Variants in CEP112 observed in about 807,000 individuals in gnomAD.
CEP112 encodes centrosomal protein 112.
CEP112 carries 127 observed loss-of-function variants against 153.0 expected under a neutral mutation model. The observed-to-expected ratio is 0.83, with a 90% CI of 0.72 to 0.96. The LOEUF is 0.96. CEP112 is among the 40% of genes least tolerant of loss of function. The probability of loss-of-function intolerance (pLI) is 0.00; values close to 1 mark genes in which losing one functional copy is unlikely to be tolerated. For missense variants in CEP112, 1,089 were observed against 1,101.2 expected (o/e 0.99, Z 0.16); for synonymous variants, 358 against 374.4 (o/e 0.96, Z 0.51).
At chr17:65,736,510 G>A (rs1392030011) in intron 23 of CEP112, among the ~76,000 whole-genome samples, 5 of 152,150 alleles carry the variant, frequency 3.3e-5, no homozygotes, top group Non-Finnish European at 5.9e-5. Flanking sequence ...AACATGAAGG[G>A]ATGAGATTGT....
At chr17:65,970,713 A>T (rs1050363176) in intron 17 of CEP112, among the ~76,000 whole-genome samples, 2 of 151,942 alleles carry the variant, frequency 1.3e-5, no homozygotes, top group African/African-American at 2.4e-5. Flanking sequence ...CATACACATG[A>T]CATGTGCCTT....
At chr17:65,906,702 A>C (rs2143699922) in intron 19 of CEP112, among the ~76,000 whole-genome samples, 1 of 152,260 alleles carries the variant, frequency 6.6e-6, no homozygotes, top group South Asian at 2.1e-4. Context: ...CCGAGTAAGA[A>C]AGTTTTCTTT....
At chr17:65,970,980 T>G (rs12603031) in intron 17 of CEP112, among the ~76,000 whole-genome samples, 1 of 151,362 alleles carries the variant, frequency 6.6e-6, no homozygotes, top group South Asian at 2.1e-4. Context: ...AGGCTGATTT[T>G]AAAAAACTTT....
chr17:65,969,368 G>A (rs1042120216), intron 17 of CEP112, among the ~76,000 whole-genome samples: 3 of 152,036 alleles, frequency 2.0e-5, no homozygotes, highest in South Asian at 2.1e-4. Context: ...TAAGATTAAC[G>A]TATTACATGT....
chr17:66,190,694 G>A (rs2073132238), intron 1 of CEP112, among the ~76,000 whole-genome samples: 1 of 152,174 alleles, frequency 6.6e-6, no homozygotes, highest in African/African-American at 2.4e-5. Flanking sequence ...TTTGGATCAT[G>A]TCTTTTATTA....
intron 20 of CEP112, among the ~76,000 whole-genome samples, chr17:65,892,192 A>G (rs566205442): frequency 1.2e-4 from 19 of 152,312 alleles, no homozygotes; most frequent in Non-Finnish European, 2.4e-4. Flanking sequence ...AAAGGTGTGC[A>G]TGCCCAGCCC....
chr17:65,815,749 G>A (rs917621144), intron 21 of CEP112, among the ~76,000 whole-genome samples: 2 of 152,084 alleles, frequency 1.3e-5, no homozygotes, highest in Admixed American at 1.3e-4. Context: ...TTGTGATGAT[G>A]TTGTAAATGG....
At chr17:65,984,790 A>G (rs577712109) in intron 17 of CEP112, among the ~76,000 whole-genome samples, 2 of 152,344 alleles carry the variant, frequency 1.3e-5, no homozygotes, top group African/African-American at 4.8e-5. Flanking sequence ...AGGATGGCAC[A>G]GAATGATAGT....
At chr17:65,943,617 C>T (rs2061565869) in intron 18 of CEP112, among the ~76,000 whole-genome samples, 1 of 152,132 alleles carries the variant, frequency 6.6e-6, no homozygotes, top group Admixed American at 6.6e-5. Context: ...GGTGACCTGG[C>T]CTTTCTCTCA....
intron 4 of CEP112, among the ~76,000 whole-genome samples, chr17:66,138,432 G>A (rs1264199788): frequency 1.3e-5 from 2 of 152,120 alleles, no homozygotes; most frequent in Non-Finnish European, 2.9e-5. Context: ...TGTTAAGACT[G>A]GGTGGGTTAA....
intron 20 of CEP112, among the ~76,000 whole-genome samples, chr17:65,882,474 C>A (rs2059119883): frequency 6.6e-6 from 1 of 152,174 alleles, no homozygotes; most frequent in Non-Finnish European, 1.5e-5. Flanking sequence ...ACCATCTCTG[C>A]ATATTTTAGA....
At chr17:65,731,336 T>C (rs547898482) in intron 23 of CEP112, among the ~76,000 whole-genome samples, 5 of 152,350 alleles carry the variant, frequency 3.3e-5, no homozygotes, top group Middle Eastern at 3.4e-3. Flanking sequence ...CACTATACTA[T>C]AGTCTATTAC....
intron 17 of CEP112, among the ~76,000 whole-genome samples, chr17:65,963,731 C>T (rs902866102): frequency 6.6e-6 from 1 of 151,704 alleles, no homozygotes; most frequent in African/African-American, 2.4e-5. Context: ...TATCCCATCC[C>T]CACCCCTGTA....
chr17:66,142,195 A>G (rs1415255040), intron 4 of CEP112, among the ~76,000 whole-genome samples: 2 of 152,296 alleles, frequency 1.3e-5, no homozygotes, highest in East Asian at 3.9e-4. Context: ...TTCTTTGCCC[A>G]TCTTAAAATT....
At chr17:65,749,447 G>A (rs1284210999) in intron 22 of CEP112, among the ~76,000 whole-genome samples, 1 of 152,060 alleles carries the variant, frequency 6.6e-6, no homozygotes, top group African/African-American at 2.4e-5. Context: ...GGTGGAGCTT[G>A]CAGTGAGCCG....
chr17:65,825,297 G>C (rs905687858), intron 21 of CEP112, among the ~76,000 whole-genome samples: 4 of 152,134 alleles, frequency 2.6e-5, no homozygotes, highest in African/African-American at 7.2e-5. Context: ...CAGCCTTTTT[G>C]GTGCAGGTTT....
At chr17:65,669,713 C>T (rs1021955925) in intron 24 of CEP112, among the ~76,000 whole-genome samples, 1 of 152,032 alleles carries the variant, frequency 6.6e-6, no homozygotes, top group South Asian at 2.1e-4. Context: ...ACCATCCTGG[C>T]TAACACGGTG....
intron 21 of CEP112, among the ~76,000 whole-genome samples, chr17:65,757,307 G>A (rs1567969519): frequency 1.3e-5 from 2 of 152,150 alleles, no homozygotes; most frequent in African/African-American, 2.4e-5. Context: ...GCAGGCAAAT[G>A]ATCCCCCAGG....
At chr17:66,186,434 C>T (rs1022300752) in intron 1 of CEP112, among the ~76,000 whole-genome samples, 4 of 152,042 alleles carry the variant, frequency 2.6e-5, no homozygotes, top group African/African-American at 7.2e-5. Context: ...CCCGAGTAGG[C>T]ACCCGCCACC....
Sources: allele counts gnomAD v4.1 joint callset (sites outside exome capture counted in the v4.1 genomes callset), GRCh38; gene constraint gnomAD v4.1.1; transcripts MANE v1.5; gene names NCBI Gene and HGNC (gene_info 2026-07-23, HGNC 2026-07-21).